Variants in GFRA2 observed in about 807,000 individuals in gnomAD.
GFRA2 encodes GDNF family receptor alpha-2.
Under a neutral mutation model 48.3 loss-of-function variants are expected in GFRA2, and 17 were observed. That is an observed-to-expected ratio of 0.35 (90% CI 0.24 to 0.53). The LOEUF is 0.53. Ranked by LOEUF, GFRA2 falls within the 20% of genes least tolerant of loss-of-function variation. The pLI, the probability that GFRA2 is intolerant of heterozygous loss-of-function variation, is 0.93. For missense variants in GFRA2, 660 were observed against 637.3 expected, an observed-to-expected ratio of 1.04 and a Z score of -0.38; for synonymous variants, 305 against 257.2, an observed-to-expected ratio of 1.19 and a Z score of -1.78.
chr8:21,701,678 T>G (rs1246031024), intron 7 of GFRA2, among the ~76,000 whole-genome samples: 3 of 152,196 alleles, frequency 2.0e-5, no homozygotes, highest in Non-Finnish European at 4.4e-5. Flanking sequence ...TTCGCATGTA[T>G]CATGTCACAT....
chr8:21,744,406 C>T (rs978017639), intron 4 of GFRA2, among the ~76,000 whole-genome samples: 3 of 152,110 alleles, frequency 2.0e-5, no homozygotes, highest in Non-Finnish European at 4.4e-5. Context: ...GGAGATGGCA[C>T]GGAGCCAGCA....
At chr8:21,768,574 C>G (rs1171240492) in intron 3 of GFRA2, among the ~76,000 whole-genome samples, 1 of 152,160 alleles carries the variant, frequency 6.6e-6, no homozygotes, top group African/African-American at 2.4e-5. Context: ...CTCCTGCCTC[C>G]GGGCCTGGGG....
chr8:21,724,170 G>A (rs1803741303), intron 4 of GFRA2, among the ~76,000 whole-genome samples: 1 of 152,132 alleles, frequency 6.6e-6, no homozygotes, highest in Admixed American at 6.6e-5. Context: ...TTCCTGCACA[G>A]ATAGGTAACG....
intron 7 of GFRA2, among the ~76,000 whole-genome samples, chr8:21,695,819 C>T (rs144617716): frequency 2.6e-5 from 4 of 152,262 alleles, no homozygotes; most frequent in Non-Finnish European, 4.4e-5. Flanking sequence ...TCTGTCCTCC[C>T]GAGTCCCTTG....
At chr8:21,694,610 G>T in intron 7 of GFRA2, 93 bp from the exon 8 acceptor site, 1 of 1,175,688 alleles carries the variant, frequency 8.5e-7, no homozygotes, top group Non-Finnish European at 1.2e-6. Flanking sequence ...GCCATGCACT[G>T]TTGGCTCCGC....
rs1563217028 is a variant in GFRA2, at chr8:21,704,966, G to A, written c.1045+19C>T. On this transcript the variant is annotated intron_variant, in intron 6 of 8. Coordinates refer to ENST00000524240, the MANE Select transcript of GFRA2 (RefSeq NM_001495.5). Reference sequence around the variant, plus strand: ...GGTGGGAGGGGCTGCTGGGGTTGGGGAGAACATCCAGAACTTACGGAGGCA... The same window carrying A: ...GGTGGGAGGGGCTGCTGGGGTTGGGAAGAACATCCAGAACTTACGGAGGCA... The A allele has an allele frequency of 1.3e-6, 2 of 1,597,232 alleles. No homozygotes were observed. The highest frequency in any genetic ancestry group is 2.2e-5 in the East Asian group (1 of 44,662).
chr8:21,762,070 T>C (rs1387478808), intron 3 of GFRA2, among the ~76,000 whole-genome samples: 1 of 152,164 alleles, frequency 6.6e-6, no homozygotes, highest in Non-Finnish European at 1.5e-5. Flanking sequence ...CAGTCCCTTG[T>C]GCTCCGGCCT....
At chr8:21,709,636 T>C (rs905968302) in intron 4 of GFRA2, among the ~76,000 whole-genome samples, 2 of 152,152 alleles carry the variant, frequency 1.3e-5, no homozygotes, top group Admixed American at 6.5e-5. Flanking sequence ...CATTGCTTGC[T>C]TATCTCCCTT....
chr8:21,726,564 G>A (rs578151825), intron 4 of GFRA2, among the ~76,000 whole-genome samples: 40 of 152,140 alleles, frequency 2.6e-4, no homozygotes, highest in Non-Finnish European at 4.6e-4. Context: ...TGCCTCTTCC[G>A]GCTTCTGGTG....
intron 1 of GFRA2, among the ~76,000 whole-genome samples, chr8:21,786,065 G>A (rs938764778): frequency 1.6e-4 from 24 of 152,180 alleles, no homozygotes; most frequent in Non-Finnish European, 3.1e-4. Flanking sequence ...GGGACTTCTC[G>A]AGGGAAGGAA....
At chr8:21,774,844 G>T in intron 3 of GFRA2, 128 bp downstream of exon 3, 1 of 652,842 alleles carries the variant, frequency 1.5e-6, no homozygotes, top group South Asian at 1.8e-5. Context: ...CAGAACCGTT[G>T]AGGGACGAGC....
intron 8 of GFRA2, 66 bp downstream of exon 8, chr8:21,694,397 GC>G: frequency 6.9e-7 from 1 of 1,456,038 alleles, no homozygotes; most frequent in Non-Finnish European, 9.5e-7. Context: ...TCTGAGGCTC[GC>G]CGGGGAAATG....
intron 4 of GFRA2, among the ~76,000 whole-genome samples, chr8:21,739,048 C>T (rs148425323): frequency 2.0e-5 from 3 of 152,278 alleles, no homozygotes; most frequent in East Asian, 1.9e-4. Flanking sequence ...CTCCTGGGCA[C>T]GTCCCAGAGA....
At position 21,782,685 on chromosome 8, in the gene GFRA2, C is replaced by A. The variant is rs1042790931; in HGVS notation, c.255G>T (p.Leu85Phe). The A allele has an allele frequency of 5.0e-6, 8 of 1,590,700 alleles. No homozygotes were observed. Among genetic ancestry groups the A allele is most frequent in the Non-Finnish European group, 6.8e-6 (8 of 1,169,194 alleles). ...GGCAGTCGTACAGCGGGCTCTCCTG[C>A]AAGACCTCCAAGGCCGCCTGGCACT... is the stretch of plus-strand genomic sequence containing the variant. The part of the protein sequence containing the change: ...NKECQAALEV[L>F]QESPLYDCRC... Residue 85 changes from leucine to phenylalanine, a missense_variant, in exon 2 of 9, where the codon TTG becomes TTT. Transcript: ENST00000524240.
Position 21,750,571 on chromosome 8 carries a change from G to GC in GFRA2, c.794+16dup. The GC allele has an allele frequency of 6.7e-7, 1 of 1,497,166 alleles. No individual in the cohort carries two copies. Among genetic ancestry groups the GC allele is most frequent in the Non-Finnish European group, 9.2e-7 (1 of 1,092,360 alleles). The allele number at this position is 1,497,166 out of a possible 1,614,324, so 92.7% of individuals were successfully genotyped here. A position where few individuals can be genotyped will look rare whatever the true frequency, so the allele number is the denominator to read the frequency against. Reference sequence around the variant, plus strand: ...GCGCCCTCCTGCCAGCACCACCGGGGCTGCCGCGGCACTCACCGACACAGG... The same window carrying GC: ...GCGCCCTCCTGCCAGCACCACCGGGGCCTGCCGCGGCACTCACCGACACAGG... On this transcript the variant is annotated intron_variant, in intron 4 of 8. Transcript: ENST00000524240. The surrounding 1 kb of genome is among the most constrained non-coding windows in gnomAD (Gnocchi z 5.7).
chr8:21,691,649 C>T lies in GFRA2; in HGVS notation c.*1629G>A, dbSNP rs1801886095. 6.6e-6 allele frequency: 1 copy of T among 152,300 alleles called. No individual in the cohort carries two copies. The highest frequency in any genetic ancestry group is 1.9e-4 in the East Asian group (1 of 5,198). The allele number at this position is 152,300 out of a possible 1,614,324, so 9.4% of individuals were successfully genotyped here. A position where few individuals can be genotyped will look rare whatever the true frequency, so the allele number is the denominator to read the frequency against. ...CCACCCAGACAGCCTGACAATAAAACATTCCCAACGTGTGATGCCAAGCTG... is the reference window on the plus strand; with the variant it reads ...CCACCCAGACAGCCTGACAATAAAATATTCCCAACGTGTGATGCCAAGCTG... On this transcript the variant is annotated 3_prime_UTR_variant, in exon 9 of 9. Coordinates refer to ENST00000524240, the MANE Select transcript of GFRA2 (RefSeq NM_001495.5).
chr8:21,772,224 T>C (rs1342447202), intron 3 of GFRA2, among the ~76,000 whole-genome samples: 1 of 152,178 alleles, frequency 6.6e-6, no homozygotes, highest in African/African-American at 2.4e-5. Flanking sequence ...GGGGACTGCA[T>C]TGGAACCGCC....
At chr8:21,732,992 G>T (rs116866988) in intron 4 of GFRA2, among the ~76,000 whole-genome samples, 13 of 152,284 alleles carry the variant, frequency 8.5e-5, no homozygotes, top group Non-Finnish European at 1.9e-4. Flanking sequence ...CTAGGCAGGA[G>T]GTCTTTGCAC....
At position 21,753,926 on chromosome 8, in the gene GFRA2, G is replaced by A. The variant is rs567357749; in HGVS notation, c.440-2984C>T. ...GATCTTCCTGGAACACGCCCATCAC[G>A]GCGTGGCCACAGGGCCTTTGCACTT... On this transcript the variant is annotated intron_variant, in intron 3 of 8. Transcript: ENST00000524240. Among the ~76,000 whole-genome samples the A allele has an allele frequency of 2.1e-4, 32 of 152,236 alleles. No individual in the cohort carries two copies. In the South Asian group the frequency reaches 4.2e-3, roughly 20 times the overall value.
Sources: gnomAD v4.1 joint callset for allele counts (sites outside exome capture counted in the v4.1 genomes callset) on GRCh38, gnomAD v4.1.1 for gene constraint, Gnocchi (gnomAD v3.1) non-coding constraint, MANE v1.5 for transcripts, NCBI Gene and HGNC (gene_info 2026-07-23, HGNC 2026-07-21) for gene names.